ERC1: variants seen among roughly 807,000 people sequenced by gnomAD.
ERC1 encodes ELKS/RAB6-interacting/CAST family member 1.
Under a neutral mutation model 132.0 loss-of-function variants are expected in ERC1, and 56 were observed. That is an observed-to-expected ratio of 0.42 (90% confidence interval 0.34 to 0.53). The LOEUF is 0.53. Among genes scored for constraint, ERC1 ranks in the 20% least tolerant of loss-of-function variants. The pLI is 0.03. For missense variants in ERC1, 1,202 were observed against 1,349.9 expected (o/e 0.89, Z 1.72); for synonymous variants, 478 against 476.1 (o/e 1.00, Z -0.05).
chr12:1,189,852 T>C lies in ERC1; in HGVS notation c.2158-7T>C, dbSNP rs1215024417. 2.5e-6 allele frequency: 4 copies of C among 1,587,612 alleles called. No homozygotes were observed. The East Asian group carries it at 6.7e-5, about 27-fold the overall frequency. On this transcript the variant is annotated splice_region_variant and splice_polypyrimidine_tract_variant and intron_variant, in intron 11 of 18. Coordinates refer to ENST00000360905, the MANE Select transcript of ERC1 (RefSeq NM_178040.4). ...ATCTGATAGGATTGAAATGCTTTTC[T>C]TTGTAGGCACATGAGGCAGCATTGG...
At position 1,153,148 on chromosome 12, in the gene ERC1, A is replaced by T. The variant is rs567983523; in HGVS notation, c.1737+11361A>T. The T allele has an allele frequency of 3.9e-5, 6 of 152,352 alleles. No homozygotes were observed. In the South Asian group the frequency reaches 1.2e-3, roughly 32 times the overall value. 9.4% of individuals were successfully genotyped at this position (152,352 alleles called of 1,614,324 possible). A position where few individuals can be genotyped will look rare whatever the true frequency, so the allele number is the denominator to read the frequency against. Reference sequence around the variant, plus strand: ...ATCTTTCCATTTCCTACTTCTGGGAACCGTACATCAGAAGAGCAAACCACA... The same window carrying T: ...ATCTTTCCATTTCCTACTTCTGGGATCCGTACATCAGAAGAGCAAACCACA... On this transcript the variant is annotated intron_variant, in intron 8 of 18. Transcript: ENST00000360905.
rs140918161 is a variant in ERC1, at chr12:1,189,908, G to A, written c.2207G>A (p.Arg736Gln). The change falls in exon 12 of 19, where the codon CGA (arginine) becomes CAA (glutamine). Residue 736 changes from arginine to glutamine, a missense_variant. Transcript: ENST00000360905. The part of the protein sequence containing the change: ...EARASPEMSD[R>Q]IQHLEREITR... Reference sequence around the variant, plus strand: ...AGAGCCAGTCCAGAGATGAGTGACCGAATACAGCACTTGGAGAGAGAGATC... The same window carrying A: ...AGAGCCAGTCCAGAGATGAGTGACCAAATACAGCACTTGGAGAGAGAGATC... The A allele has an allele frequency of 3.8e-4, 612 of 1,613,942 alleles. 4 individuals are homozygous for A. The African/African-American group carries it at 6.6e-3, about 17-fold the overall frequency.
At chr12:1,287,685 G>C (rs533112079) in intron 14 of ERC1, among the ~76,000 whole-genome samples, 1 of 152,126 alleles carries the variant, frequency 6.6e-6, no homozygotes, top group East Asian at 1.9e-4. Flanking sequence ...GAGCCTGCTC[G>C]CCTTCAGACT....
intron 12 of ERC1, among the ~76,000 whole-genome samples, chr12:1,206,539 G>A (rs1292376101): frequency 6.6e-6 from 1 of 151,978 alleles, no homozygotes; most frequent in Non-Finnish European, 1.5e-5. Flanking sequence ...AGAGTAGTGA[G>A]ATTTTATTTA....
At chr12:1,481,830 G>A (rs190602305) in intron 18 of ERC1, among the ~76,000 whole-genome samples, 49 of 151,902 alleles carry the variant, frequency 3.2e-4, no homozygotes, top group African/African-American at 9.7e-4. Context: ...CTCCTCCAGC[G>A]CTAAATCACT....
chr12:1,252,099 A>T (rs938265527), intron 13 of ERC1, among the ~76,000 whole-genome samples: 2 of 152,120 alleles, frequency 1.3e-5, no homozygotes. Context: ...TAATTAGGGT[A>T]CTCATCCCCT....
chr12:1,252,493 A>G (rs925383563), intron 13 of ERC1, among the ~76,000 whole-genome samples: 1 of 152,230 alleles, frequency 6.6e-6, no homozygotes, highest in Non-Finnish European at 1.5e-5. Context: ...ATGATTTTCA[A>G]GATGAGACCC....
chr12:1,014,912 C>T (rs971820854), intron 1 of ERC1, among the ~76,000 whole-genome samples: 12 of 151,112 alleles, frequency 7.9e-5, no homozygotes, highest in South Asian at 2.1e-4. Context: ...CACAGGTGTG[C>T]GCCACCATGC....
At chr12:1,437,839 A>C (rs181889855) in intron 17 of ERC1, among the ~76,000 whole-genome samples, 201 of 152,352 alleles carry the variant, frequency 1.3e-3, no homozygotes, top group African/African-American at 4.4e-3. Flanking sequence ...AAAACTAAGA[A>C]GAAATGATCA....
In ERC1 at chr12:1,034,773, T is replaced by C. The variant is rs116916191; in HGVS notation, c.669+6201T>C. On this transcript the variant is annotated intron_variant, in intron 2 of 18. Transcript: ENST00000360905. ...AATAATTGAAGCAATTGTTTATGCC[T>C]GTACTTCAGAAGCTGTGTGGAAAAT... Among the ~76,000 whole-genome samples, 1,218 of 152,354 alleles carry C rather than the reference T, an allele frequency of 8.0e-3. 6 individuals carry two copies. The highest frequency in any genetic ancestry group is 0.037 in the Middle Eastern group (11 of 294).
At chr12:1,286,487 T>C (rs935218315) in intron 14 of ERC1, among the ~76,000 whole-genome samples, 3 of 152,086 alleles carry the variant, frequency 2.0e-5, no homozygotes, top group Non-Finnish European at 4.4e-5. Context: ...AAAATTACAC[T>C]ACTTGTAGAT....
chr12:1,030,488 TGA>T (rs1311734330), intron 2 of ERC1, among the ~76,000 whole-genome samples: 10 of 152,140 alleles, frequency 6.6e-5, no homozygotes, highest in Non-Finnish European at 1.3e-4. Flanking sequence ...TTTGTGAGGC[TGA>T]GAGGGTGCGG....
intron 2 of ERC1, among the ~76,000 whole-genome samples, chr12:1,031,809 A>C (rs577082891): frequency 2.4e-4 from 36 of 152,282 alleles, no homozygotes; most frequent in African/African-American, 8.7e-4. Context: ...AAAAGCTAAA[A>C]TAGACCCCAC....
chr12:1,234,127 A>G (rs2075257678), intron 12 of ERC1, among the ~76,000 whole-genome samples: 1 of 151,734 alleles, frequency 6.6e-6, no homozygotes, highest in Admixed American at 6.6e-5. Context: ...ATGCTTTGTT[A>G]GCCTTTTAAG....
chr12:1,259,705 A>G (rs1302567051), intron 13 of ERC1, among the ~76,000 whole-genome samples: 1 of 151,486 alleles, frequency 6.6e-6, no homozygotes. Flanking sequence ...TTGTATTTTC[A>G]GTAGAGACGG....
intron 18 of ERC1, among the ~76,000 whole-genome samples, chr12:1,452,274 CTA>C (rs1253719831): frequency 2.6e-5 from 4 of 151,816 alleles, no homozygotes; most frequent in African/African-American, 9.7e-5. Context: ...TTGAGGTCTG[CTA>C]TATTCATGTA....
At chr12:1,465,611 A>G (rs1321027062) in intron 18 of ERC1, among the ~76,000 whole-genome samples, 1 of 152,196 alleles carries the variant, frequency 6.6e-6, no homozygotes, top group Non-Finnish European at 1.5e-5. Context: ...TCAGACAGGA[A>G]CCCTGAAATA....
intron 1 of ERC1, among the ~76,000 whole-genome samples, chr12:1,018,220 T>C (rs182838200): frequency 1.4e-4 from 21 of 152,242 alleles, no homozygotes; most frequent in African/African-American, 5.1e-4. Flanking sequence ...TATTTATTTT[T>C]ATTCAGAGTC....
chr12:1,075,330 G>C (rs1941159565), intron 2 of ERC1, among the ~76,000 whole-genome samples: 1 of 152,076 alleles, frequency 6.6e-6, no homozygotes, highest in Admixed American at 6.6e-5. Flanking sequence ...TATTTTGTAT[G>C]TTATATGTTA....
Sources: gnomAD v4.1 joint callset for allele counts (sites outside exome capture counted in the v4.1 genomes callset) on GRCh38, gnomAD v4.1.1 for gene constraint, MANE v1.5 for transcripts, NCBI Gene and HGNC (gene_info 2026-07-23, HGNC 2026-07-21) for gene names.